NOP58: variants seen among roughly 807,000 people sequenced by gnomAD.
NOP58 encodes NOP58 ribonucleoprotein.
In NOP58, 44 loss-of-function variants were observed where a neutral mutation model predicts 71.2. The ratio of observed to expected loss-of-function variants is 0.62; its 90% CI spans 0.49 to 0.79. The LOEUF is 0.79. NOP58 is among the 30% of genes least tolerant of loss of function. NOP58 has a pLI of 0.00. For missense variants in NOP58, 538 were observed against 620.2 expected (o/e 0.87, Z 1.41); for synonymous variants, 228 against 200.3 (o/e 1.14, Z -1.17).
intron 1 of NOP58, among the ~76,000 whole-genome samples, chr2:202,274,087 T>C (rs1433986493): frequency 6.6e-6 from 1 of 152,240 alleles, no homozygotes; most frequent in East Asian, 1.9e-4. Flanking sequence ...TCTTTTGCAT[T>C]TAAAAAATTT....
At chr2:202,267,336 T>C (rs1258524911) in intron 1 of NOP58, among the ~76,000 whole-genome samples, 1 of 152,324 alleles carries the variant, frequency 6.6e-6, no homozygotes, top group South Asian at 2.1e-4. Flanking sequence ...GAGTTCTCCA[T>C]GTTTCACTTC....
intron 3 of NOP58, among the ~76,000 whole-genome samples, chr2:202,280,831 A>T (rs983663623): frequency 6.9e-6 from 1 of 144,514 alleles, no homozygotes; most frequent in Non-Finnish European, 1.5e-5. Flanking sequence ...ATCCCAGCTC[A>T]CTGTAGTCTC....
chr2:202,277,887 G>A lies in NOP58; in HGVS notation c.123-63G>A, dbSNP rs145679494. On this transcript the variant is annotated intron_variant, in intron 2 of 14. Coordinates refer to ENST00000264279, the MANE Select transcript of NOP58 (RefSeq NM_015934.5). ...AGTCAAGCACTTCTTTCCAAGTTAT[G>A]TGGCTTTTGAATCAACGCACTGCCC... 1,665 of 841,692 alleles carry A rather than the reference G, an allele frequency of 2.0e-3. 18 individuals carry two copies. The African/African-American group carries it at 0.024, about 12-fold the overall frequency. 52.1% of individuals were successfully genotyped at this position (841,692 alleles called of 1,614,324 possible).
chr2:202,273,743 G>A (rs1688545432), intron 1 of NOP58, among the ~76,000 whole-genome samples: 2 of 152,228 alleles, frequency 1.3e-5, no homozygotes, highest in African/African-American at 2.4e-5. Context: ...AGGAGTTCAA[G>A]ACCAGCCTGG....
At chr2:202,300,198 T>C in intron 12 of NOP58, 36 bp from the exon 13 acceptor site, 1 of 1,527,798 alleles carries the variant, frequency 6.5e-7, no homozygotes, top group Non-Finnish European at 8.8e-7. Flanking sequence ...TCCAGATACT[T>C]GTTAGAGATT....
chr2:202,290,475 C>T lies in NOP58; in HGVS notation c.634+18C>T, dbSNP rs1688868132. ...GAAAGTTGGTGAGTAATTTGTTCATCCTTTAAGGCATTGAAAGTAAATGAA... is the reference window on the plus strand; with the variant it reads ...GAAAGTTGGTGAGTAATTTGTTCATTCTTTAAGGCATTGAAAGTAAATGAA... On this transcript the variant is annotated intron_variant, in intron 7 of 14. Coordinates refer to ENST00000264279, the MANE Select transcript of NOP58 (RefSeq NM_015934.5). The T allele has an allele frequency of 6.3e-7, 1 of 1,589,044 alleles. No homozygotes were observed. The highest frequency in any genetic ancestry group is 8.6e-7 in the Non-Finnish European group (1 of 1,167,010).
At chr2:202,287,385 C>T (rs1688806296) in intron 5 of NOP58, among the ~76,000 whole-genome samples, 1 of 151,968 alleles carries the variant, frequency 6.6e-6, no homozygotes, top group Admixed American at 6.6e-5. Context: ...TTTTGTATTA[C>T]ACAGCTTATC....
At chr2:202,282,051 A>G (rs917680277) in intron 3 of NOP58, among the ~76,000 whole-genome samples, 1 of 152,222 alleles carries the variant, frequency 6.6e-6, no homozygotes, top group African/African-American at 2.4e-5. Flanking sequence ...TTGTCTTCCC[A>G]AAAAGATTGT....
At chr2:202,285,704 CATTATTGCT>C (rs895659517) in intron 5 of NOP58, among the ~76,000 whole-genome samples, 1 of 152,012 alleles carries the variant, frequency 6.6e-6, no homozygotes, top group African/African-American at 2.4e-5. Context: ...TTAGAATAGG[CATTATTGCT>C]ATGTTGTGAT....
chr2:202,282,533 A>C (rs1256899192), intron 4 of NOP58, 61 bp downstream of exon 4: 8 of 1,496,446 alleles, frequency 5.3e-6, no homozygotes, highest in Admixed American at 4.8e-5. Context: ...ACCAACTACA[A>C]AGCCTAGCCT....
intron 2 of NOP58, among the ~76,000 whole-genome samples, chr2:202,276,027 A>G (rs917795431): frequency 6.6e-6 from 1 of 152,130 alleles, no homozygotes; most frequent in Non-Finnish European, 1.5e-5. Flanking sequence ...CCCTTACCAG[A>G]TAAGAAAACC....
In NOP58 at chr2:202,265,822, G is replaced by A. The variant is rs894067006; in HGVS notation, c.-120G>A. 2.9e-6 allele frequency: 3 copies of A among 1,028,350 alleles called. No individual in the cohort carries two copies. The highest frequency in any genetic ancestry group is 1.6e-5 in the African/African-American group (1 of 63,302). The allele number at this position is 1,028,350 out of a possible 1,614,324, so 63.7% of individuals were successfully genotyped here. Reference sequence around the variant, plus strand: ...GTGTTCTGATTCTTTGCGGGACGGCGAGCGCATTTGTGCTTTGCCCGCCGC... The same window carrying A: ...GTGTTCTGATTCTTTGCGGGACGGCAAGCGCATTTGTGCTTTGCCCGCCGC... On this transcript the variant is annotated 5_prime_UTR_variant, in exon 1 of 15. Coordinates refer to ENST00000264279, the MANE Select transcript of NOP58 (RefSeq NM_015934.5).
At chr2:202,270,088 T>C (rs564593030) in intron 1 of NOP58, among the ~76,000 whole-genome samples, 3 of 152,328 alleles carry the variant, frequency 2.0e-5, no homozygotes, top group South Asian at 4.1e-4. Flanking sequence ...CTTTATTGGG[T>C]GTACTTTACA....
At chr2:202,294,264 A>T (rs1688951909) in intron 9 of NOP58, among the ~76,000 whole-genome samples, 1 of 150,158 alleles carries the variant, frequency 6.7e-6, no homozygotes, top group Non-Finnish European at 1.5e-5. Flanking sequence ...GGTTGCAGTG[A>T]GCCAAGATTG....
At chr2:202,273,543 G>A (rs1193759640) in intron 1 of NOP58, among the ~76,000 whole-genome samples, 1 of 152,124 alleles carries the variant, frequency 6.6e-6, no homozygotes. Context: ...GCAATCTTTA[G>A]CATTGTTGTT....
In NOP58 at chr2:202,274,442, A is replaced by G. The variant is rs1182689607; in HGVS notation, c.46-671A>G. 7.1e-5 allele frequency among the ~76,000 whole-genome samples: 9 copies of G among 125,924 alleles called. No individual in the cohort carries two copies. The East Asian group carries it at 1.6e-3, about 22-fold the overall frequency. The allele number at this position is 125,924 out of a possible 152,430, so 82.6% of individuals were successfully genotyped here. Reference sequence around the variant, plus strand: ...TTTTTTGTAGAGACGGGGTTTCTCCATGTTGATCAGGCTGGTCTTGAACTC... The same window carrying G: ...TTTTTTGTAGAGACGGGGTTTCTCCGTGTTGATCAGGCTGGTCTTGAACTC... On this transcript the variant is annotated intron_variant, in intron 1 of 14. Transcript: ENST00000264279.
chr2:202,290,740 G>T (rs977159964), intron 7 of NOP58, among the ~76,000 whole-genome samples: 1 of 152,172 alleles, frequency 6.6e-6, no homozygotes, highest in South Asian at 2.1e-4. Context: ...TGTCGTTAAC[G>T]TACAGAGGAA....
At chr2:202,291,806 CAAAAAAA>C (rs1161178890) in intron 8 of NOP58, among the ~76,000 whole-genome samples, 135 of 41,898 alleles carry the variant, frequency 3.2e-3, no homozygotes, top group Non-Finnish European at 4.6e-3. Flanking sequence ...AACTCCATCT[CAAAAAAA>C]AAAAAAAAAA....
chr2:202,278,653 A>G (rs1688644899), intron 3 of NOP58, among the ~76,000 whole-genome samples: 1 of 152,206 alleles, frequency 6.6e-6, no homozygotes, highest in South Asian at 2.1e-4. Context: ...GGAAAACAGG[A>G]AGAGCAGATA....
Sources: allele counts gnomAD v4.1 joint callset (sites outside exome capture counted in the v4.1 genomes callset), GRCh38; gene constraint gnomAD v4.1.1; transcripts MANE v1.5; gene names NCBI Gene and HGNC (gene_info 2026-07-23, HGNC 2026-07-21).